SETX: variants seen among roughly 807,000 people sequenced by gnomAD.
SETX encodes the protein helicase senataxin.
SETX carries 90 observed loss-of-function variants against 227.2 expected under a neutral mutation model. That is an observed-to-expected ratio of 0.40 (90% confidence interval 0.33 to 0.47). The LOEUF is 0.47. Among genes scored for constraint, SETX ranks in the 20% least tolerant of loss-of-function variants. SETX has a pLI of 0.91. For missense variants in SETX, 3,052 were observed against 3,181.5 expected (o/e 0.96, Z 0.98); for synonymous variants, 1,210 against 1,113.2 (o/e 1.09, Z -1.73).
At chr9:132,278,842 T>C in intron 20 of SETX, among the ~76,000 whole-genome samples, 1 of 152,176 alleles carries the variant, frequency 6.6e-6, no homozygotes, top group East Asian at 1.9e-4. Context: ...AACAAGCCTT[T>C]TGAAGACAAA....
intron 17 of SETX, among the ~76,000 whole-genome samples, chr9:132,287,269 G>A (rs1843960331): frequency 6.6e-6 from 1 of 152,100 alleles, no homozygotes; most frequent in Non-Finnish European, 1.5e-5. Context: ...AGGACTGCTT[G>A]AGGCAAGAAG....
intron 17 of SETX, among the ~76,000 whole-genome samples, chr9:132,287,669 A>G (rs1843993552): frequency 6.6e-6 from 1 of 152,054 alleles, no homozygotes. Context: ...TCTTTACTAG[A>G]ATATCTTGCC....
intron 1 of SETX, among the ~76,000 whole-genome samples, chr9:132,354,422 G>A (rs1020391943): frequency 6.7e-6 from 1 of 149,588 alleles, no homozygotes; most frequent in South Asian, 2.1e-4. Flanking sequence ...CTGGAGCCCA[G>A]GAAGACGAGG....
At chr9:132,319,341 T>G (rs1363422537) in intron 10 of SETX, among the ~76,000 whole-genome samples, 1 of 152,196 alleles carries the variant, frequency 6.6e-6, no homozygotes, top group Non-Finnish European at 1.5e-5. Context: ...GCAAATGGTG[T>G]GTAAAAAACG....
In SETX at chr9:132,296,900, C is replaced by T. The variant is rs761031238; in HGVS notation, c.5936G>A (p.Arg1979His). 1.9e-5 allele frequency: 31 copies of T among 1,613,876 alleles called. No homozygotes were observed. Among genetic ancestry groups the T allele is most frequent in the South Asian group, 4.4e-5 (4 of 91,088 alleles). ...KSKTIVGLLYRLLTENQRKGH... is the reference protein window; with the variant it reads ...KSKTIVGLLYHLLTENQRKGH... ...ACCCATACCTACCTCTGTCAGTAGA[C>T]GATAGAGGAGGCCAACAATAGTTTT... Residue 1979 changes from arginine to histidine, a missense_variant, in exon 14 of 26, where the codon CGT becomes CAT. By Grantham distance (29) the Arg-to-His change is conservative (BLOSUM62 0). This residue lies in a region of SETX where 412 missense variants were observed against 589.0 expected (regional missense o/e 0.70). Transcript: ENST00000224140.
At chr9:132,268,050 CTT>C (rs1444769332) in intron 25 of SETX, among the ~76,000 whole-genome samples, 6 of 152,220 alleles carry the variant, frequency 3.9e-5, no homozygotes, top group Non-Finnish European at 2.9e-5. Flanking sequence ...ATATATTTGT[CTT>C]GTTTTGCTCA....
chr9:132,336,578 CAGAAA>C (rs200462153), intron 5 of SETX, 63 bp from the exon 6 acceptor site: 15,927 of 1,183,738 alleles, frequency 0.013, 190 homozygotes, highest in Non-Finnish European at 0.014. Context: ...AGCAAGAACA[CAGAAA>C]AGAAAACAGG....
At chr9:132,284,717 A>G (rs991836301) in intron 18 of SETX, among the ~76,000 whole-genome samples, 3 of 152,200 alleles carry the variant, frequency 2.0e-5, no homozygotes, top group African/African-American at 7.2e-5. Flanking sequence ...CAAAAACCAA[A>G]TATCAAAGTG....
At position 132,331,283 on chromosome 9, in the gene SETX, G is replaced by C. The variant is rs1475779702; in HGVS notation, c.1004C>G (p.Ser335Cys). 6.2e-7 allele frequency: 1 copy of C among 1,614,082 alleles called. No individual in the cohort carries two copies. The highest frequency in any genetic ancestry group is 8.5e-7 in the Non-Finnish European group (1 of 1,179,986). The change falls in exon 8 of 26, where the codon TCT becomes TGT. Residue 335 changes from serine to cysteine, a missense_variant. Transcript: ENST00000224140. ...NREIRHIRNS[S>C]VRTKLEPESY... ...TGACATTAGCTGAACTAACCTTACA[G>C]AGCTGTTCCGTATATGTCGGATCTC...
chr9:132,332,458 CTT>C (rs1254949040), intron 7 of SETX, among the ~76,000 whole-genome samples: 3 of 152,216 alleles, frequency 2.0e-5, no homozygotes, highest in Non-Finnish European at 4.4e-5. Context: ...GAACTTGTGA[CTT>C]TACTTCCCTC....
intron 3 of SETX, among the ~76,000 whole-genome samples, chr9:132,348,179 G>A (rs1460396996): frequency 6.6e-6 from 1 of 151,514 alleles, no homozygotes; most frequent in Non-Finnish European, 1.5e-5. Flanking sequence ...GGCCAACATG[G>A]TAAAACCCCA....
chr9:132,347,448 G>C (rs968836396), intron 3 of SETX, among the ~76,000 whole-genome samples: 1 of 151,540 alleles, frequency 6.6e-6, no homozygotes, highest in Non-Finnish European at 1.5e-5. Context: ...GAGTAGCTGG[G>C]ATTACAGGCG....
intron 11 of SETX, 45 bp from the exon 12 acceptor site, chr9:132,300,848 T>G: frequency 6.6e-7 from 1 of 1,509,358 alleles, no homozygotes. Context: ...TCTAATAGAA[T>G]TATTTTAAAT....
rs899649414 is a variant in SETX, at chr9:132,288,483, G to A, written c.6208+67C>T. On this transcript the variant is annotated intron_variant, in intron 16 of 25. Transcript: ENST00000224140. Reference sequence around the variant, plus strand: ...TTCTGGAGGCTTCAAATTACCTTTAGTGCCCAAGTCATTTTCCACCAAACA... The same window carrying A: ...TTCTGGAGGCTTCAAATTACCTTTAATGCCCAAGTCATTTTCCACCAAACA... 2.8e-6 allele frequency: 4 copies of A among 1,453,418 alleles called. No individual in the cohort carries two copies. In the East Asian group the frequency reaches 6.9e-5, roughly 25 times the overall value. 90.0% of individuals were successfully genotyped at this position (1,453,418 alleles called of 1,614,324 possible).
At chr9:132,317,180 C>G (rs1004691868) in intron 10 of SETX, among the ~76,000 whole-genome samples, 1 of 152,210 alleles carries the variant, frequency 6.6e-6, no homozygotes, top group Non-Finnish European at 1.5e-5. Flanking sequence ...TAGTTACTAA[C>G]AGGTGTGCAG....
In SETX at chr9:132,275,514, G is replaced by A; in HGVS notation, c.6936-94C>T. 3.7e-6 allele frequency: 4 copies of A among 1,092,488 alleles called. No homozygotes were observed. In the Admixed American group the frequency reaches 6.2e-5, roughly 17 times the overall value. The allele number at this position is 1,092,488 out of a possible 1,614,324, so 67.7% of individuals were successfully genotyped here. ...TCCACTGAGTTTGTTTCCCATTATA[G>A]TAAAGGGCAGGCAGATAGGCTTCAT... On this transcript the variant is annotated intron_variant, in intron 22 of 25. Coordinates refer to ENST00000224140, the MANE Select transcript of SETX (RefSeq NM_015046.7).
At chr9:132,290,435 C>T (rs1395524255) in intron 15 of SETX, among the ~76,000 whole-genome samples, 6 of 151,530 alleles carry the variant, frequency 4.0e-5, no homozygotes, top group East Asian at 2.0e-4. Context: ...ATTAGCTGGA[C>T]GTAGTGGCAC....
intron 20 of SETX, among the ~76,000 whole-genome samples, chr9:132,279,121 C>G (rs762757559): frequency 2.6e-5 from 4 of 152,172 alleles, no homozygotes; most frequent in Non-Finnish European, 5.9e-5. Flanking sequence ...CGAAGCTGTG[C>G]TAAATGGATT....
At chr9:132,285,228 T>C (rs1333982546) in intron 18 of SETX, among the ~76,000 whole-genome samples, 1 of 152,138 alleles carries the variant, frequency 6.6e-6, no homozygotes, top group African/African-American at 2.4e-5. Flanking sequence ...TAATTGTTTT[T>C]TGCAGTTTAT....
Sources: allele counts gnomAD v4.1 joint callset (sites outside exome capture counted in the v4.1 genomes callset), GRCh38; gene constraint gnomAD v4.1.1; regional missense constraint gnomAD v4.1.1; transcripts MANE v1.5; gene names NCBI Gene and HGNC (gene_info 2026-07-23, HGNC 2026-07-21).